BIVM: variants seen among roughly 807,000 people sequenced by gnomAD.
BIVM encodes the protein basic immunoglobulin-like variable motif-containing protein.
A neutral mutation model predicts 61.4 loss-of-function variants in BIVM; 31 were observed. That is an observed-to-expected ratio of 0.51 (90% CI 0.38 to 0.68). BIVM has a LOEUF of 0.68. BIVM is among the 30% of genes least tolerant of loss of function. The probability of loss-of-function intolerance (pLI) is 0.00; values close to 1 mark genes in which losing one functional copy is unlikely to be tolerated. For missense variants in BIVM, 526 were observed against 596.0 expected, an observed-to-expected ratio of 0.88 and a Z score of 1.22; for synonymous variants, 189 against 210.7, an observed-to-expected ratio of 0.90 and a Z score of 0.89.
rs2140506734 is a variant in BIVM at position 102,840,277 on chromosome 13, T to TAC, written c.*413_*414dup. ...TTATGCCTAAGACCAAGATGTAAAGTACCATCTGCCCTTAAAAAAAATTGG... is the reference window on the plus strand; with the variant it reads ...TTATGCCTAAGACCAAGATGTAAAGTACACCATCTGCCCTTAAAAAAAATTGG... On this transcript the variant is annotated 3_prime_UTR_variant, in exon 11 of 11. Coordinates refer to ENST00000257336, the MANE Select transcript of BIVM (RefSeq NM_017693.4). 1.4e-5 allele frequency: 1 copy of TAC among 73,144 alleles called. No individual in the cohort carries two copies. Among genetic ancestry groups the TAC allele is most frequent in the Non-Finnish European group, 2.5e-5 (1 of 39,614 alleles). 4.5% of individuals were successfully genotyped at this position (73,144 alleles called of 1,614,324 possible). A position where few individuals can be genotyped will look rare whatever the true frequency, so the allele number is the denominator to read the frequency against.
intron 9 of BIVM, among the ~76,000 whole-genome samples, chr13:102,837,136 G>A (rs1468809154): frequency 1.3e-5 from 2 of 152,078 alleles, no homozygotes; most frequent in African/African-American, 4.8e-5. Context: ...AAATTAGCCA[G>A]GCATGGTGGC....
chr13:102,824,780 TG>T (rs1194534065), intron 7 of BIVM, among the ~76,000 whole-genome samples: 1 of 152,124 alleles, frequency 6.6e-6, no homozygotes, highest in Non-Finnish European at 1.5e-5. Flanking sequence ...TTTTTAGAGA[TG>T]AGGGTCTCAT....
chr13:102,808,147 T>C (rs1387088932), intron 3 of BIVM, among the ~76,000 whole-genome samples: 1 of 152,188 alleles, frequency 6.6e-6, no homozygotes, highest in African/African-American at 2.4e-5. Context: ...ATGTTTTAGC[T>C]TTTTTTGTTG....
At position 102,837,242 on chromosome 13, in the gene BIVM, C is replaced by T. The variant is rs893564010; in HGVS notation, c.1122-1401C>T. Among the ~76,000 whole-genome samples, 19 of 152,184 alleles carry T rather than the reference C, an allele frequency of 1.2e-4. No individual in the cohort carries two copies. The East Asian group carries it at 2.5e-3, about 20-fold the overall frequency. On this transcript the variant is annotated intron_variant, in intron 9 of 10. Coordinates refer to ENST00000257336, the MANE Select transcript of BIVM (RefSeq NM_017693.4). ...GCAGTGAGCTGAGATTGCACCACTG[C>T]ACTCCTCCCTAAGTGATAAGGTGAG...
intron 3 of BIVM, among the ~76,000 whole-genome samples, chr13:102,808,379 A>G (rs1241333828): frequency 6.6e-6 from 1 of 152,200 alleles, no homozygotes; most frequent in African/African-American, 2.4e-5. Flanking sequence ...TTGTAGGTGA[A>G]GAAATTGAGG....
intron 1 of BIVM, among the ~76,000 whole-genome samples, chr13:102,799,926 A>G (rs1413472028): frequency 6.6e-6 from 1 of 152,116 alleles, no homozygotes; most frequent in Non-Finnish European, 1.5e-5. Flanking sequence ...TCCGGGAACC[A>G]GCGCGCAGCG....
chr13:102,820,225 G>A (rs1189105465), intron 4 of BIVM, among the ~76,000 whole-genome samples: 19 of 151,940 alleles, frequency 1.3e-4, no homozygotes, highest in African/African-American at 7.3e-5. Flanking sequence ...GGTGGCGCAC[G>A]CCTGTCGTCC....
chr13:102,821,685 C>T (rs185207236), intron 5 of BIVM, 58 bp from the exon 6 acceptor site: 111 of 1,463,378 alleles, frequency 7.6e-5, no homozygotes, highest in Non-Finnish European at 9.8e-5. Context: ...TTGAGACAGG[C>T]TGTATTTGCG....
At position 102,804,201 on chromosome 13, in the gene BIVM, G is replaced by A. The variant is rs551048819; in HGVS notation, c.-206-1106G>A. On this transcript the variant is annotated intron_variant, in intron 1 of 10. Coordinates refer to ENST00000257336, the MANE Select transcript of BIVM (RefSeq NM_017693.4). Reference sequence around the variant, plus strand: ...GAGTGCAGGTCACCCAGGCTGGAGTGCAGTGGCGCGATCTTGGCTCAACGC... The same window carrying A: ...GAGTGCAGGTCACCCAGGCTGGAGTACAGTGGCGCGATCTTGGCTCAACGC... Among the ~76,000 whole-genome samples the A allele has an allele frequency of 7.2e-5, 11 of 152,334 alleles. No individual in the cohort carries two copies. In the South Asian group the frequency reaches 1.7e-3, roughly 23 times the overall value.
intron 10 of BIVM, among the ~76,000 whole-genome samples, chr13:102,839,339 G>A (rs1881686488): frequency 6.6e-6 from 1 of 152,206 alleles, no homozygotes; most frequent in Non-Finnish European, 1.5e-5. Flanking sequence ...TTGGGAGTGA[G>A]TAGTAGAGAG....
chr13:102,808,611 T>C (rs1329643973), intron 3 of BIVM, among the ~76,000 whole-genome samples: 2 of 152,168 alleles, frequency 1.3e-5, no homozygotes. Context: ...TTGTAGGTAA[T>C]GAGTCTGCAA....
rs1464917906 is a variant in BIVM at position 102,832,954 on chromosome 13, C to T, written c.1034+1257C>T. On this transcript the variant is annotated intron_variant, in intron 8 of 10. Coordinates refer to ENST00000257336, the MANE Select transcript of BIVM (RefSeq NM_017693.4). ...AGATAATACCAGGATGGTTGAAAGCCAAGGGAGAAGTATCTAGTTAAGAAT... is the reference window on the plus strand; with the variant it reads ...AGATAATACCAGGATGGTTGAAAGCTAAGGGAGAAGTATCTAGTTAAGAAT... Among the ~76,000 whole-genome samples the T allele has an allele frequency of 1.3e-5, 2 of 151,942 alleles. 1 individual carries two copies.
intron 9 of BIVM, among the ~76,000 whole-genome samples, chr13:102,836,035 T>C (rs1275447534): frequency 6.6e-6 from 1 of 152,230 alleles, no homozygotes; most frequent in African/African-American, 2.4e-5. Flanking sequence ...AGAGGACATA[T>C]GTTTTGTTCT....
intron 4 of BIVM, 86 bp from the exon 5 acceptor site, chr13:102,820,951 C>A: frequency 1.6e-6 from 2 of 1,238,766 alleles, no homozygotes; most frequent in Non-Finnish European, 2.3e-6. Flanking sequence ...ATTATATTAA[C>A]ACCTTTAATT....
chr13:102,807,194 G>T lies in BIVM; in HGVS notation c.-74G>T, dbSNP rs1879162998. 2.7e-6 allele frequency: 4 copies of T among 1,459,602 alleles called. No homozygotes were observed. The highest frequency in any genetic ancestry group is 2.8e-5 in the African/African-American group (2 of 70,862). 90.4% of individuals were successfully genotyped at this position (1,459,602 alleles called of 1,614,324 possible). On this transcript the variant is annotated 5_prime_UTR_variant, in exon 3 of 11. Coordinates refer to ENST00000257336, the MANE Select transcript of BIVM (RefSeq NM_017693.4). This position sits in a 1 kb window ranked among gnomAD's most constrained non-coding sequence, Gnocchi z 4.0. ...CTTTTATAGCATGCTGTAAACAATT[G>T]TCAAAGTTGTTTATCAAGAAACAGA...
rs7998065 is a variant in BIVM at position 102,827,807 on chromosome 13, A to G, written c.902-3758A>G. On this transcript the variant is annotated intron_variant, in intron 7 of 10. Coordinates refer to ENST00000257336, the MANE Select transcript of BIVM (RefSeq NM_017693.4). ...TGCCCACGACATTACACGTTACCCT[A>G]TGAATTCTGATGGTATTCAGGCGGT... Among the ~76,000 whole-genome samples, 837 of 152,234 alleles carry G rather than the reference A, an allele frequency of 5.5e-3. 12 individuals are homozygous for G. Among genetic ancestry groups the G allele is most frequent in the African/African-American group, 0.019 (806 of 41,528 alleles).
rs528436014 is a variant in BIVM, at chr13:102,841,498, G to T, written c.*1633G>T. ...TACTTCATACTGGAACTTTTAAAAA[G>T]ATTTCATCAAATAAAGTTTTGTTTT... is the stretch of plus-strand genomic sequence containing the variant. On this transcript the variant is annotated 3_prime_UTR_variant, in exon 11 of 11. Transcript: ENST00000257336. The T allele has an allele frequency of 6.6e-6, 1 of 152,630 alleles. No individual in the cohort carries two copies. The highest frequency in any genetic ancestry group is 1.9e-4 in the East Asian group (1 of 5,178). 9.5% of individuals were successfully genotyped at this position (152,630 alleles called of 1,614,324 possible). A position where few individuals can be genotyped will look rare whatever the true frequency, so the allele number is the denominator to read the frequency against.
rs1265919770 is a variant in BIVM at position 102,807,622 on chromosome 13, A to G, written c.355A>G (p.Ile119Val). Residue 119 changes from isoleucine (I) to valine (V), a missense_variant, in exon 3 of 11, where the codon ATT (isoleucine) becomes GTT (valine). Coordinates refer to ENST00000257336, the MANE Select transcript of BIVM (RefSeq NM_017693.4). The surrounding 1 kb of genome is among the most constrained non-coding windows in gnomAD (Gnocchi z 4.0). ...YIGIPTSTSEIIYNEENSLEN... is the reference protein window; with the variant it reads ...YIGIPTSTSEVIYNEENSLEN... ...TGGTATCCCGACTAGTACATCGGAA[A>G]TTATCTACAATGAAGAAAATAGCTT... 2.5e-6 allele frequency: 4 copies of G among 1,614,090 alleles called. No homozygotes were observed. The highest frequency in any genetic ancestry group is 2.5e-6 in the Non-Finnish European group (3 of 1,180,044).
chr13:102,815,741 C>T (rs929346687), intron 3 of BIVM, among the ~76,000 whole-genome samples: 1 of 152,142 alleles, frequency 6.6e-6, no homozygotes, highest in Non-Finnish European at 1.5e-5. Context: ...CCTTGAGGGT[C>T]TTTTGGAGAA....
Sources: gnomAD v4.1 joint callset for allele counts (sites outside exome capture counted in the v4.1 genomes callset) on GRCh38, gnomAD v4.1.1 for gene constraint, Gnocchi (gnomAD v3.1) non-coding constraint, MANE v1.5 for transcripts, NCBI Gene and HGNC (gene_info 2026-07-23, HGNC 2026-07-21) for gene names.